The following CLPX variants were observed in gnomAD, a reference collection of about 807,000 sequenced individuals.
CLPX encodes caseinolytic mitochondrial matrix peptidase chaperone subunit X, also known as ATP-dependent clpX-like chaperone, mitochondrial.
Under a neutral mutation model 76.4 loss-of-function variants are expected in CLPX, and 34 were observed. The ratio of observed to expected loss-of-function variants is 0.45; its 90% CI spans 0.34 to 0.59. The LOEUF (loss-of-function observed/expected upper bound fraction) is 0.59. CLPX is among the 20% of genes least tolerant of loss of function. CLPX has a pLI of 0.01. For synonymous variants in CLPX, 248 were observed against 270.9 expected (o/e 0.92, Z 0.83); for missense variants, 613 against 757.0 (o/e 0.81, Z 2.23).
intron 1 of CLPX, chr15:65,184,336 A>G (rs1231082650): frequency 6.6e-6 from 1 of 152,262 alleles, no homozygotes; most frequent in Non-Finnish European, 1.5e-5. Context: ...AAGAAAAGGT[A>G]AACAACATGC....
Position 65,155,713 on chromosome 15 carries a change from G to A in CLPX, c.1290C>T (p.Ile430=), listed in dbSNP as rs758598477. 1.9e-6 allele frequency: 3 copies of A among 1,611,630 alleles called. No individual in the cohort carries two copies. The highest frequency in any genetic ancestry group is 2.2e-5 in the East Asian group (1 of 44,870). The change falls in exon 10 of 14, where the codon ATC becomes ATT. Residue 430 remains isoleucine, a synonymous_variant. Transcript: ENST00000300107. ...TTACCTTTTCATTTTTCCTCCTGCT[G>A]ATGATTCTGTCTAAACCATTGAAAG... ...SGAFNGLDRI[I]SRRKNEKYLG... is the part of the protein sequence containing the mutation.
chr15:65,184,607 CT>C (rs2088228832), intron 1 of CLPX: 1 of 162,768 alleles, frequency 6.1e-6, no homozygotes, highest in African/African-American at 2.4e-5. Flanking sequence ...GCCCCGAGTC[CT>C]GGGGGACCCT....
At chr15:65,183,121 G>A (rs2088199395) in intron 1 of CLPX, among the ~76,000 whole-genome samples, 1 of 150,792 alleles carries the variant, frequency 6.6e-6, no homozygotes, top group Admixed American at 6.6e-5. Flanking sequence ...CCGAGATCGC[G>A]CTACTGCACT....
chr15:65,176,831 G>A (rs1327918531), intron 3 of CLPX, among the ~76,000 whole-genome samples: 11 of 151,730 alleles, frequency 7.2e-5, no homozygotes, highest in Non-Finnish European at 1.5e-4. Flanking sequence ...CTCACCTCTG[G>A]TGATCTGCCT....
chr15:65,154,424 T>A (rs1465475662), intron 11 of CLPX, among the ~76,000 whole-genome samples: 1 of 152,152 alleles, frequency 6.6e-6, no homozygotes, highest in Non-Finnish European at 1.5e-5. Flanking sequence ...TTAATAAAAC[T>A]CTATTTTGGC....
chr15:65,177,782 A>G (rs2088108415), intron 3 of CLPX, among the ~76,000 whole-genome samples: 1 of 152,144 alleles, frequency 6.6e-6, no homozygotes, highest in African/African-American at 2.4e-5. Flanking sequence ...TAACAGCAAA[A>G]GTAGGATACA....
At chr15:65,175,591 G>A (rs1182792496) in intron 3 of CLPX, among the ~76,000 whole-genome samples, 5 of 152,140 alleles carry the variant, frequency 3.3e-5, no homozygotes, top group African/African-American at 2.4e-5. Flanking sequence ...GAGTTCAAAT[G>A]TTTTCACGTT....
intron 12 of CLPX, 41 bp downstream of exon 12, chr15:65,153,506 G>C: frequency 8.1e-7 from 1 of 1,238,762 alleles, no homozygotes; most frequent in Non-Finnish European, 1.2e-6. Flanking sequence ...TCAAAACTCA[G>C]ACCAAGAAAT....
At chr15:65,184,281 T>C (rs1190426313) in intron 1 of CLPX, 1 of 152,194 alleles carries the variant, frequency 6.6e-6, no homozygotes, top group Non-Finnish European at 1.5e-5. Flanking sequence ...TTTTCCAGAC[T>C]CTCTTGGCTG....
In CLPX at chr15:65,178,937, C is replaced by T. The variant is rs1356202522; in HGVS notation, c.355G>A (p.Val119Ile). 6.4e-7 allele frequency: 1 copy of T among 1,553,156 alleles called. No individual in the cohort carries two copies. The change falls in exon 3 of 14, where the codon GTA (valine) becomes ATA (isoleucine). Residue 119 changes from valine (V) to isoleucine (I), a missense_variant. Val to Ile is a conservative substitution (Grantham distance 29, BLOSUM62 3). Transcript: ENST00000300107. The stretch of plus-strand genomic sequence containing the variant: ...CAGTAGAAGATGTAATACTTACATA[C>T]AAAGGTCTCTACATGTGTGCACAAG... ...GDLCTHVETF[V>I]SSTRFVKCEK...
chr15:65,159,140 C>T (rs1462367268), intron 6 of CLPX, among the ~76,000 whole-genome samples: 2 of 152,178 alleles, frequency 1.3e-5, no homozygotes, highest in East Asian at 1.9e-4. Flanking sequence ...CTTTATGTTC[C>T]TGTTTCCTAA....
chr15:65,180,585 G>C (rs1050047993), intron 1 of CLPX, among the ~76,000 whole-genome samples: 2 of 152,088 alleles, frequency 1.3e-5, no homozygotes, highest in Non-Finnish European at 2.9e-5. Context: ...ACATCTGACA[G>C]CAACTCATCT....
intron 11 of CLPX, among the ~76,000 whole-genome samples, chr15:65,154,374 T>G (rs934169373): frequency 1.2e-4 from 18 of 152,188 alleles, no homozygotes; most frequent in African/African-American, 4.3e-4. Flanking sequence ...CAATTGGGTA[T>G]GTGGGCTAGG....
chr15:65,168,592 CTG>C (rs1479747708), intron 3 of CLPX, among the ~76,000 whole-genome samples: 2 of 97,398 alleles, frequency 2.1e-5, no homozygotes, highest in African/African-American at 8.7e-5. Context: ...ACACCGGGGC[CTG>C]TCATGGGGTG....
At chr15:65,163,239 A>G (rs887370655) in intron 5 of CLPX, among the ~76,000 whole-genome samples, 4 of 152,176 alleles carry the variant, frequency 2.6e-5, no homozygotes, top group Non-Finnish European at 5.9e-5. Flanking sequence ...GTTCCAAGTC[A>G]TCCGTTAGTT....
At chr15:65,179,098 T>C in intron 2 of CLPX, 47 bp from the exon 3 acceptor site, 1 of 1,087,002 alleles carries the variant, frequency 9.2e-7, no homozygotes. Context: ...ATTATTAGTT[T>C]CAGGCAACCA....
At chr15:65,173,365 C>CAAAAAAA (rs35763100) in intron 3 of CLPX, among the ~76,000 whole-genome samples, 5 of 52,104 alleles carry the variant, frequency 9.6e-5, no homozygotes, top group Non-Finnish European at 2.0e-4. Flanking sequence ...GACTCTGTCT[C>CAAAAAAA]AAAAAAAAAA....
In CLPX at chr15:65,162,584, G is replaced by A. The variant is rs758957236; in HGVS notation, c.715+20C>T. The A allele has an allele frequency of 1.4e-5, 21 of 1,537,688 alleles. No individual in the cohort carries two copies. The South Asian group carries it at 2.3e-4, about 17-fold the overall frequency. The stretch of plus-strand genomic sequence containing the variant: ...GTCAAAAGGAAGAATGATTACAGAG[G>A]AGGACCTGAAGTCACTTACTTGTAA... On this transcript the variant is annotated intron_variant, in intron 6 of 13. Transcript: ENST00000300107.
At chr15:65,155,332 C>T (rs1258331166) in intron 10 of CLPX, among the ~76,000 whole-genome samples, 3 of 152,134 alleles carry the variant, frequency 2.0e-5, no homozygotes, top group African/African-American at 7.2e-5. Context: ...TCACTGCAAC[C>T]TCCGCCTCCT....
Sources: allele counts gnomAD v4.1 joint callset (sites outside exome capture counted in the v4.1 genomes callset), GRCh38; gene constraint gnomAD v4.1.1; transcripts MANE v1.5; gene names NCBI Gene and HGNC (gene_info 2026-07-23, HGNC 2026-07-21).